ANK3: variants seen among roughly 807,000 people sequenced by gnomAD.
The protein encoded by ANK3 is ankyrin 3.
In ANK3, 57 loss-of-function variants were observed where a neutral mutation model predicts 370.9. The ratio of observed to expected loss-of-function variants is 0.15; its 90% confidence interval spans 0.12 to 0.19. The LOEUF (loss-of-function observed/expected upper bound fraction) is 0.19, where lower values mean the gene tolerates loss of function less well. Ranked by LOEUF, ANK3 falls within the 10% of genes least tolerant of loss-of-function variation. The probability of loss-of-function intolerance (pLI) is 1.00; values close to 1 mark genes in which losing one functional copy is unlikely to be tolerated. For missense variants in ANK3, 4,439 were observed against 5,302.1 expected, an observed-to-expected ratio of 0.84 and a Z score of 5.06; for synonymous variants, 1,929 against 1,946.3, an observed-to-expected ratio of 0.99 and a Z score of 0.23.
chr10:60,304,252 C>G (rs942903745), intron 1 of ANK3, among the ~76,000 whole-genome samples: 2 of 27,748 alleles, frequency 7.2e-5, no homozygotes, highest in Non-Finnish European at 2.2e-4. Context: ...CTTAATTGTT[C>G]ATAACACACA....
chr10:60,217,708 C>A (rs925043953), intron 8 of ANK3, among the ~76,000 whole-genome samples: 1 of 152,148 alleles, frequency 6.6e-6, no homozygotes, highest in East Asian at 1.9e-4. Context: ...TGCCATGTGG[C>A]ACAGAGAAGA....
chr10:60,376,670 C>G (rs1412359702), intron 1 of ANK3, among the ~76,000 whole-genome samples: 1 of 152,104 alleles, frequency 6.6e-6, no homozygotes, highest in African/African-American at 2.4e-5. Context: ...AGGCCATGAC[C>G]CAGTCAGCAG....
intron 26 of ANK3, among the ~76,000 whole-genome samples, chr10:60,113,102 T>C (rs183853774): frequency 2.4e-4 from 37 of 152,300 alleles, no homozygotes; most frequent in African/African-American, 8.7e-4. Context: ...TTTAGCCTCC[T>C]GCCTCGAATT....
chr10:60,690,576 GA>G lies in ANK3; in HGVS notation c.57+42686del, dbSNP rs552569780. 1.0e-3 allele frequency among the ~76,000 whole-genome samples: 158 copies of G among 151,220 alleles called. 1 individual carries two copies. Among genetic ancestry groups the G allele is most frequent in the Middle Eastern group, 6.8e-3 (2 of 294 alleles). Reference sequence around the variant, plus strand: ...ATACTTTTATGAAACATAAATTTTTGAAAAAAAATAAATGAGGATTTTGTTG... The same window carrying G: ...ATACTTTTATGAAACATAAATTTTTGAAAAAAATAAATGAGGATTTTGTTG... On this transcript the variant is annotated intron_variant, in intron 1 of 43. Coordinates refer to the ANK3 transcript ENST00000373827.
intron 21 of ANK3, among the ~76,000 whole-genome samples, chr10:60,171,120 T>C (rs1052720700): frequency 6.6e-6 from 1 of 152,204 alleles, no homozygotes. Flanking sequence ...AACTTAATGA[T>C]AGATTTTAAT....
intron 1 of ANK3, among the ~76,000 whole-genome samples, chr10:60,355,432 T>G (rs563140344): frequency 6.6e-6 from 1 of 152,206 alleles, no homozygotes; most frequent in African/African-American, 2.4e-5. Context: ...GATCCTTTAG[T>G]GGCACCACTA....
chr10:60,196,077 G>A, intron 16 of ANK3, 68 bp downstream of exon 16: 2 of 1,383,322 alleles, frequency 1.4e-6, no homozygotes, highest in East Asian at 2.3e-5. Context: ...TGAAGCAGAA[G>A]TAGATGTGCA....
chr10:60,645,356 G>A (rs12269462), intron 1 of ANK3, among the ~76,000 whole-genome samples: 1 of 152,086 alleles, frequency 6.6e-6, no homozygotes. Flanking sequence ...ATTTTTCTCA[G>A]AATGATATTT....
At chr10:60,294,726 CAGAT>C (rs1369918079) in intron 1 of ANK3, among the ~76,000 whole-genome samples, 7 of 151,964 alleles carry the variant, frequency 4.6e-5, no homozygotes, top group South Asian at 4.1e-4. Flanking sequence ...GTCAGATAGA[CAGAT>C]AGATAGATAG....
intron 1 of ANK3, among the ~76,000 whole-genome samples, chr10:60,379,361 C>T (rs1415582890): frequency 1.3e-5 from 2 of 152,096 alleles, no homozygotes; most frequent in African/African-American, 4.8e-5. Context: ...AATGCCACTA[C>T]TGGGCATTTA....
rs1442772259 is a variant in ANK3, at chr10:60,704,745, AGGGG to A, written c.57+28514_57+28517del. ...GATTTCAAATTCATTTTAATTCAGC[AGGGG>A]GTTAGCCAGTAATTTTCCTTTAACA... On this transcript the variant is annotated intron_variant, in intron 1 of 43. Coordinates refer to the ANK3 transcript ENST00000373827. 2.0e-5 allele frequency among the ~76,000 whole-genome samples: 3 copies of A among 152,320 alleles called. No individual in the cohort carries two copies. In the East Asian group the frequency reaches 5.8e-4, roughly 29 times the overall value.
At chr10:60,418,177 G>C (rs2063708033) in intron 2 of ANK3, among the ~76,000 whole-genome samples, 1 of 152,110 alleles carries the variant, frequency 6.6e-6, no homozygotes, top group Admixed American at 6.6e-5. Context: ...GATATGCACT[G>C]TCCAGGTCAC....
intron 2 of ANK3, among the ~76,000 whole-genome samples, chr10:60,460,071 G>A (rs1278848898): frequency 6.9e-6 from 1 of 144,738 alleles, no homozygotes; most frequent in Non-Finnish European, 1.5e-5. Flanking sequence ...GAAGACAAAA[G>A]CCAGCCTAGA....
chr10:60,345,140 G>A (rs751390566), intron 1 of ANK3, among the ~76,000 whole-genome samples: 11 of 152,124 alleles, frequency 7.2e-5, no homozygotes, highest in Admixed American at 3.9e-4. Flanking sequence ...TGCCTCAACT[G>A]AGCATTAAAC....
chr10:60,483,792 C>G (rs1434022130), intron 2 of ANK3, among the ~76,000 whole-genome samples: 1 of 152,158 alleles, frequency 6.6e-6, no homozygotes, highest in African/African-American at 2.4e-5. Flanking sequence ...CTTGTCTATA[C>G]CGCCGAACAA....
At chr10:60,351,978 A>G (rs1425565421) in intron 1 of ANK3, among the ~76,000 whole-genome samples, 1 of 152,228 alleles carries the variant, frequency 6.6e-6, no homozygotes, top group African/African-American at 2.4e-5. Flanking sequence ...ATTTATTCTC[A>G]TGTTCATTTG....
intron 1 of ANK3, among the ~76,000 whole-genome samples, chr10:60,362,253 G>A (rs2058722514): frequency 6.6e-6 from 1 of 152,034 alleles, no homozygotes; most frequent in African/African-American, 2.4e-5. Flanking sequence ...AAACAACTTT[G>A]TACATATATC....
intron 1 of ANK3, among the ~76,000 whole-genome samples, chr10:60,321,410 A>G: frequency 8.4e-6 from 1 of 118,854 alleles, no homozygotes; most frequent in East Asian, 3.3e-4. Flanking sequence ...AAGAAAAGAA[A>G]AGAAAAGAAA....
chr10:60,029,751 C>T lies in ANK3; in HGVS notation c.*95G>A, dbSNP rs759742829. 6.6e-6 allele frequency: 1 copy of T among 152,402 alleles called. No homozygotes were observed. Among genetic ancestry groups the T allele is most frequent in the South Asian group, 2.1e-4 (1 of 4,800 alleles). The allele number at this position is 152,402 out of a possible 1,614,324, so 9.4% of individuals were successfully genotyped here. A position where few individuals can be genotyped will look rare whatever the true frequency, so the allele number is the denominator to read the frequency against. The stretch of plus-strand genomic sequence containing the variant: ...TGTGGAAGCAGCGAACACACACACA[C>T]TTCTCGGTGAATTTTTACTTCCTGC... On this transcript the variant is annotated 3_prime_UTR_variant, in exon 44 of 44. Transcript: ENST00000280772.
Sources: allele counts gnomAD v4.1 joint callset (sites outside exome capture counted in the v4.1 genomes callset), GRCh38; gene constraint gnomAD v4.1.1; transcripts MANE v1.5; gene names NCBI Gene and HGNC (gene_info 2026-07-23, HGNC 2026-07-21).